Variants in WASF3 observed in about 807,000 individuals in gnomAD.
The protein encoded by WASF3 is actin-binding protein WASF3.
A neutral mutation model predicts 46.6 loss-of-function variants in WASF3; 11 were observed. That is an observed-to-expected ratio of 0.24 (90% confidence interval 0.15 to 0.39). The LOEUF is 0.39. WASF3 is among the 10% of genes least tolerant of loss of function. The pLI, the probability that WASF3 is intolerant of heterozygous loss-of-function variation, is 1.00. For synonymous variants in WASF3, 242 were observed against 259.7 expected, an observed-to-expected ratio of 0.93 and a Z score of 0.65; for missense variants, 576 against 669.8, an observed-to-expected ratio of 0.86 and a Z score of 1.55.
chr13:26,577,398 A>G (rs763234656), intron 1 of WASF3: 3 of 774,080 alleles, frequency 3.9e-6, no homozygotes, highest in Non-Finnish European at 7.1e-6. Flanking sequence ...ATGGAAATCA[A>G]GACCCGGGAG....
At chr13:26,664,947 A>G in intron 3 of WASF3, 81 bp from the exon 4 acceptor site, 1 of 1,428,966 alleles carries the variant, frequency 7.0e-7, no homozygotes, top group Non-Finnish European at 9.8e-7. Flanking sequence ...TGTTGACAGG[A>G]ATAAGCACTG....
Position 26,685,966 on chromosome 13 carries a change from T to G in WASF3, c.*121T>G, listed in dbSNP as rs1883393288. ...ACCTTTTGTATAAACAATGTGATATTGCTTCTGCACATCCAAAAATTCTGG... is the reference window on the plus strand; with the variant it reads ...ACCTTTTGTATAAACAATGTGATATGGCTTCTGCACATCCAAAAATTCTGG... On this transcript the variant is annotated 3_prime_UTR_variant, in exon 10 of 10. Transcript: ENST00000335327. 10 of 1,352,970 alleles carry G rather than the reference T, an allele frequency of 7.4e-6. No individual in the cohort carries two copies. The South Asian group carries it at 1.5e-4, about 21-fold the overall frequency. The allele number at this position is 1,352,970 out of a possible 1,614,324, so 83.8% of individuals were successfully genotyped here. A position where few individuals can be genotyped will look rare whatever the true frequency, so the allele number is the denominator to read the frequency against.
chr13:26,553,546 G>C (rs1405797877), upstream of WASF3, among the ~76,000 whole-genome samples: 1 of 152,008 alleles, frequency 6.6e-6, no homozygotes, highest in East Asian at 1.9e-4. Flanking sequence ...GGCCGGGCAC[G>C]GTGGCTCACG....
intron 1 of WASF3, among the ~76,000 whole-genome samples, chr13:26,564,111 A>T (rs145763931): frequency 1.2e-4 from 19 of 152,332 alleles, no homozygotes; most frequent in African/African-American, 4.6e-4. Flanking sequence ...TTGTATGCCA[A>T]CTATGTCTGA....
At position 26,646,664 on chromosome 13, in the gene WASF3, G is replaced by A. The variant is rs189432429; in HGVS notation, c.133+4261G>A. ...GGGGGACTAGACTTTCTCTACATAT[G>A]TATCTTAGGGGAAACACCAGTGCAA... On this transcript the variant is annotated intron_variant, in intron 3 of 9. Coordinates refer to ENST00000335327, the MANE Select transcript of WASF3 (RefSeq NM_006646.6). Among the ~76,000 whole-genome samples, 14 of 152,294 alleles carry A rather than the reference G, an allele frequency of 9.2e-5. No individual in the cohort carries two copies. In the East Asian group the frequency reaches 2.7e-3, roughly 29 times the overall value.
intron 2 of WASF3, among the ~76,000 whole-genome samples, chr13:26,619,662 T>C (rs1352276783): frequency 6.6e-6 from 1 of 152,186 alleles, no homozygotes; most frequent in Non-Finnish European, 1.5e-5. Context: ...CAAGGCAGTG[T>C]CAGGAGTTGA....
At position 26,667,517 on chromosome 13, in the gene WASF3, T is replaced by C. The variant is rs755108011; in HGVS notation, c.269T>C (p.Val90Ala). 50 of 1,608,796 alleles carry C rather than the reference T, an allele frequency of 3.1e-5. No individual in the cohort carries two copies. Among genetic ancestry groups the C allele is most frequent in the Non-Finnish European group, 4.0e-5 (47 of 1,177,940 alleles). The change falls in exon 5 of 10, where the codon GTC becomes GCC. Residue 90 changes from valine (V) to alanine (A), a missense_variant and splice_region_variant. Val to Ala is a moderately conservative substitution (Grantham distance 64, BLOSUM62 0). Transcript: ENST00000335327. Reference sequence around the variant, plus strand: ...AACTTGGGGGATTTTCTCTAAATAGTCTCACTACAGGATATCAACATGAAA... The same window carrying C: ...AACTTGGGGGATTTTCTCTAAATAGCCTCACTACAGGATATCAACATGAAA... ...VTQLDSTVEE[V>A]SLQDINMKKA...
chr13:26,663,930 G>A (rs1457589801), intron 3 of WASF3, among the ~76,000 whole-genome samples: 2 of 152,162 alleles, frequency 1.3e-5, no homozygotes, highest in African/African-American at 4.8e-5. Flanking sequence ...TCACCTTTCT[G>A]ATCCTCTGTT....
intron 1 of WASF3, chr13:26,577,523 A>C (rs917356685): frequency 1.5e-6 from 2 of 1,307,424 alleles, no homozygotes; most frequent in Non-Finnish European, 2.2e-6. Flanking sequence ...CTTCGTTAGA[A>C]AAGTAAAAAT....
In WASF3 at chr13:26,665,171, T is replaced by C; in HGVS notation, c.268+9T>C. ...TTCAACAGTGGAAGAGGGTAGGTAA[T>C]TGCCTGAAAGCAGTGAGCTAGAAGT... On this transcript the variant is annotated intron_variant, in intron 4 of 9. Coordinates refer to ENST00000335327, the MANE Select transcript of WASF3 (RefSeq NM_006646.6). The C allele has an allele frequency of 1.2e-6, 2 of 1,613,228 alleles. No homozygotes were observed. The highest frequency in any genetic ancestry group is 1.7e-6 in the Non-Finnish European group (2 of 1,179,898).
At chr13:26,674,340 T>A (rs1341448704) in intron 6 of WASF3, among the ~76,000 whole-genome samples, 1 of 152,236 alleles carries the variant, frequency 6.6e-6, no homozygotes, top group East Asian at 1.9e-4. Context: ...TTATTCATTA[T>A]TTTTAATACG....
intron 2 of WASF3, among the ~76,000 whole-genome samples, chr13:26,637,675 T>C (rs1238521619): frequency 1.3e-5 from 2 of 152,258 alleles, no homozygotes; most frequent in Non-Finnish European, 2.9e-5. Context: ...ATTTTTCCAC[T>C]GAATCTGCAT....
rs1883435911 is a variant in WASF3 at position 26,687,260 on chromosome 13, CCTA to C, written c.*1418_*1420del. On this transcript the variant is annotated 3_prime_UTR_variant, in exon 10 of 10. Coordinates refer to ENST00000335327, the MANE Select transcript of WASF3 (RefSeq NM_006646.6). The stretch of plus-strand genomic sequence containing the variant: ...ACGCTTGACTTATTAAGGACTTTAA[CCTA>C]CTCAACAGTATTTCATATCCATTGT... 1 of 152,234 alleles carries C rather than the reference CCTA, an allele frequency of 6.6e-6. No homozygotes were observed. Among genetic ancestry groups the C allele is most frequent in the Non-Finnish European group, 1.5e-5 (1 of 68,038 alleles). The allele number at this position is 152,234 out of a possible 1,614,324, so 9.4% of individuals were successfully genotyped here. A position where few individuals can be genotyped will look rare whatever the true frequency, so the allele number is the denominator to read the frequency against.
chr13:26,554,569 C>T (rs1039464437), upstream of WASF3, among the ~76,000 whole-genome samples: 7 of 152,210 alleles, frequency 4.6e-5, no homozygotes, highest in South Asian at 2.1e-4. Context: ...TTTTAAGAAA[C>T]GAAACTTTCT....
chr13:26,619,460 A>G (rs1881237806), intron 2 of WASF3: 1 of 152,232 alleles, frequency 6.6e-6, no homozygotes, highest in South Asian at 2.1e-4. Flanking sequence ...GACTTACCAG[A>G]TGTCGTACTG....
At chr13:26,597,838 G>C (rs1318656232) in intron 1 of WASF3, among the ~76,000 whole-genome samples, 1 of 152,138 alleles carries the variant, frequency 6.6e-6, no homozygotes, top group African/African-American at 2.4e-5. Context: ...GTGTATATGT[G>C]CCACATTTTC....
chr13:26,680,221 T>C (rs759114216), intron 7 of WASF3: 1 of 1,541,230 alleles, frequency 6.5e-7, no homozygotes, highest in South Asian at 1.3e-5. Context: ...TTTGCTTTCT[T>C]TGGGTTCCCA....
At chr13:26,546,262 T>G in the WASF3 span, among the ~76,000 whole-genome samples, 3 of 152,226 alleles carry the variant, frequency 2.0e-5, no homozygotes, top group African/African-American at 7.2e-5. Context: ...GAAGCAAATA[T>G]CTCAGATAAA....
In WASF3 at chr13:26,668,968, T is replaced by C. The variant is rs73168090; in HGVS notation, c.422+1298T>C. 8.9e-3 allele frequency among the ~76,000 whole-genome samples: 1,356 copies of C among 152,344 alleles called. 10 individuals are homozygous for C. The highest frequency in any genetic ancestry group is 0.017 in the Middle Eastern group (5 of 294). On this transcript the variant is annotated intron_variant, in intron 5 of 9. Transcript: ENST00000335327. ...GTGAAGCCTCAAACACAATGTAACATGTAGGCTTGCTCATGAAAACTTTCT... is the reference window on the plus strand; with the variant it reads ...GTGAAGCCTCAAACACAATGTAACACGTAGGCTTGCTCATGAAAACTTTCT...
Sources: gnomAD v4.1 joint callset for allele counts (sites outside exome capture counted in the v4.1 genomes callset) on GRCh38, gnomAD v4.1.1 for gene constraint, MANE v1.5 for transcripts, NCBI Gene and HGNC (gene_info 2026-07-23, HGNC 2026-07-21) for gene names.